The following DLGAP1 variants were observed in gnomAD, a reference collection of about 807,000 sequenced individuals.
DLGAP1 encodes the protein disks large-associated protein 1.
Under a neutral mutation model 90.8 loss-of-function variants are expected in DLGAP1, and 11 were observed. That is an observed-to-expected ratio of 0.12 (90% confidence interval 0.08 to 0.20). The LOEUF is 0.20. Ranked by LOEUF, DLGAP1 falls within the 10% of genes least tolerant of loss-of-function variation. The pLI, the probability that DLGAP1 is intolerant of heterozygous loss-of-function variation, is 1.00. For missense variants in DLGAP1, 1,050 were observed against 1,333.8 expected (o/e 0.79, Z 3.31); for synonymous variants, 558 against 540.7 (o/e 1.03, Z -0.44).
rs997082010 is a variant in DLGAP1, at chr18:3,839,752, T to G, written c.958-25479A>C. 2.6e-5 allele frequency among the ~76,000 whole-genome samples: 4 copies of G among 152,240 alleles called. No homozygotes were observed. In the South Asian group the frequency reaches 6.2e-4, roughly 24 times the overall value. ...GAACAGCCTCTTTCTATCACCAACATGGCACTGAGAACAATAGAAAACAGC... is the reference window on the plus strand; with the variant it reads ...GAACAGCCTCTTTCTATCACCAACAGGGCACTGAGAACAATAGAAAACAGC... On this transcript the variant is annotated intron_variant, in intron 4 of 12. Transcript: ENST00000315677.
At chr18:3,733,551 C>A (rs1314423096) in intron 6 of DLGAP1, among the ~76,000 whole-genome samples, 1 of 152,060 alleles carries the variant, frequency 6.6e-6, no homozygotes. Flanking sequence ...TTTCACATCC[C>A]ACCATGTTTA....
intron 3 of DLGAP1, among the ~76,000 whole-genome samples, chr18:3,951,662 G>A (rs1006784835): frequency 2.5e-4 from 38 of 152,264 alleles, no homozygotes; most frequent in African/African-American, 9.1e-4. Flanking sequence ...ATTCCTACGT[G>A]TTGGGAGAGG....
At chr18:3,986,861 T>C (rs537139965) in intron 3 of DLGAP1, among the ~76,000 whole-genome samples, 5 of 152,178 alleles carry the variant, frequency 3.3e-5, no homozygotes, top group Non-Finnish European at 7.3e-5. Flanking sequence ...GGTAATTACC[T>C]ATTGTCCTGA....
At chr18:3,668,933 G>A (rs1413278521) in intron 7 of DLGAP1, among the ~76,000 whole-genome samples, 2 of 152,006 alleles carry the variant, frequency 1.3e-5, no homozygotes, top group Non-Finnish European at 2.9e-5. Context: ...GCAATGAGCC[G>A]AGATCGCGCC....
intron 4 of DLGAP1, among the ~76,000 whole-genome samples, chr18:3,858,210 T>C (rs1324994903): frequency 1.3e-5 from 2 of 152,268 alleles, no homozygotes; most frequent in African/African-American, 2.4e-5. Flanking sequence ...AAATTTTTCA[T>C]CATTTTTACT....
chr18:3,990,398 AC>A (rs1222400507), intron 3 of DLGAP1, among the ~76,000 whole-genome samples: 2 of 147,938 alleles, frequency 1.4e-5, no homozygotes, highest in Non-Finnish European at 3.0e-5. Flanking sequence ...AAAACCAAAC[AC>A]CACATGTTCT....
chr18:4,093,496 A>C (rs1194144375), intron 2 of DLGAP1, among the ~76,000 whole-genome samples: 1 of 152,160 alleles, frequency 6.6e-6, no homozygotes, highest in East Asian at 1.9e-4. Flanking sequence ...GTCTGAAAGG[A>C]AGAATTCCTC....
chr18:4,224,804 T>C (rs2078151511), intron 1 of DLGAP1, among the ~76,000 whole-genome samples: 1 of 152,148 alleles, frequency 6.6e-6, no homozygotes, highest in Non-Finnish European at 1.5e-5. Flanking sequence ...CAAGCCTGGC[T>C]GGTGTTGCCA....
chr18:3,686,471 T>C (rs556400395), intron 7 of DLGAP1, among the ~76,000 whole-genome samples: 5 of 152,246 alleles, frequency 3.3e-5, no homozygotes, highest in African/African-American at 1.2e-4. Flanking sequence ...TGCATATTTT[T>C]ATTCAGTTTA....
chr18:4,242,597 A>G (rs745545819), intron 1 of DLGAP1, among the ~76,000 whole-genome samples: 1 of 152,166 alleles, frequency 6.6e-6, no homozygotes, highest in Non-Finnish European at 1.5e-5. Flanking sequence ...TTTCAGAAAC[A>G]TTTGCACACC....
At chr18:4,393,481 A>G (rs1457941710) in intron 1 of DLGAP1, among the ~76,000 whole-genome samples, 2 of 152,202 alleles carry the variant, frequency 1.3e-5, no homozygotes, top group Non-Finnish European at 2.9e-5. Flanking sequence ...TTTGGGTCCC[A>G]TGTCAAATGG....
At chr18:3,785,231 A>C (rs962048984) in intron 5 of DLGAP1, among the ~76,000 whole-genome samples, 1 of 152,160 alleles carries the variant, frequency 6.6e-6, no homozygotes, top group Non-Finnish European at 1.5e-5. Context: ...ACAGTTCTGG[A>C]GGCTGGAAGG....
chr18:4,450,629 C>T (rs2083799877), intron 1 of DLGAP1, among the ~76,000 whole-genome samples: 1 of 152,186 alleles, frequency 6.6e-6, no homozygotes, highest in South Asian at 2.1e-4. Context: ...CACAACTCTG[C>T]TGAATATTAA....
chr18:3,710,757 G>A (rs2061573659), intron 7 of DLGAP1, among the ~76,000 whole-genome samples: 1 of 152,196 alleles, frequency 6.6e-6, no homozygotes, highest in Non-Finnish European at 1.5e-5. Flanking sequence ...ATTGACTTGG[G>A]GCAGAGCCAA....
At chr18:4,353,279 G>C (rs952975634) in intron 1 of DLGAP1, among the ~76,000 whole-genome samples, 1 of 152,086 alleles carries the variant, frequency 6.6e-6, no homozygotes, top group Non-Finnish European at 1.5e-5. Context: ...CTCAGTAAAG[G>C]CTTCCCACTG....
intron 2 of DLGAP1, among the ~76,000 whole-genome samples, chr18:4,083,109 T>C (rs950517728): frequency 1.3e-5 from 2 of 152,114 alleles, no homozygotes; most frequent in Non-Finnish European, 2.9e-5. Context: ...AATATACATG[T>C]GATTCCTACT....
chr18:4,235,330 G>C (rs1005455385), intron 1 of DLGAP1, among the ~76,000 whole-genome samples: 1 of 152,144 alleles, frequency 6.6e-6, no homozygotes, highest in Non-Finnish European at 1.5e-5. Context: ...AACTGGGGAA[G>C]CACTGAGCTT....
At chr18:4,451,322 G>A (rs1238885878) in intron 1 of DLGAP1, among the ~76,000 whole-genome samples, 5 of 148,898 alleles carry the variant, frequency 3.4e-5, no homozygotes, top group Admixed American at 2.6e-4. Context: ...TCAATCACAT[G>A]TTTTGCTCTG....
At chr18:3,813,765 T>C (rs1442790139) in intron 5 of DLGAP1, among the ~76,000 whole-genome samples, 1 of 152,050 alleles carries the variant, frequency 6.6e-6, no homozygotes, top group Non-Finnish European at 1.5e-5. Flanking sequence ...TTTCAATCCT[T>C]TTCAGAAGCC....
Sources: gnomAD v4.1 joint callset for allele counts (sites outside exome capture counted in the v4.1 genomes callset) on GRCh38, gnomAD v4.1.1 for gene constraint, MANE v1.5 for transcripts, NCBI Gene and HGNC (gene_info 2026-07-23, HGNC 2026-07-21) for gene names.